SETBP1: variants seen among roughly 807,000 people sequenced by gnomAD.
The protein encoded by SETBP1 is SET-binding protein.
In SETBP1, 9 loss-of-function variants were observed where a neutral mutation model predicts 101.0. The observed-to-expected ratio is 0.09, with a 90% confidence interval of 0.05 to 0.16. The LOEUF (loss-of-function observed/expected upper bound fraction) is 0.16, where lower values mean the gene tolerates loss of function less well. Ranked by LOEUF, SETBP1 falls within the 10% of genes least tolerant of loss-of-function variation. SETBP1 has a pLI of 1.00. For synonymous variants in SETBP1, 818 were observed against 788.5 expected (o/e 1.04, Z -0.63); for missense variants, 1,858 against 2,033.8 (o/e 0.91, Z 1.66).
At chr18:44,839,164 T>C (rs1478605877) in intron 2 of SETBP1, among the ~76,000 whole-genome samples, 1 of 152,136 alleles carries the variant, frequency 6.6e-6, no homozygotes, top group African/African-American at 2.4e-5. Flanking sequence ...GAAGCACTGC[T>C]TCTGGAGGGC....
chr18:44,703,058 C>T (rs2069145498), intron 2 of SETBP1, among the ~76,000 whole-genome samples: 1 of 152,162 alleles, frequency 6.6e-6, no homozygotes, highest in Non-Finnish European at 1.5e-5. Flanking sequence ...AGTGACCTCC[C>T]TTCCTGTGTG....
intron 3 of SETBP1, among the ~76,000 whole-genome samples, chr18:44,938,444 A>T (rs2071012100): frequency 6.6e-6 from 1 of 152,260 alleles, no homozygotes; most frequent in African/African-American, 2.4e-5. Context: ...ATGAAAATGA[A>T]GAGCACAATG....
At chr18:44,965,544 T>C (rs2071704029) in intron 4 of SETBP1, among the ~76,000 whole-genome samples, 1 of 152,188 alleles carries the variant, frequency 6.6e-6, no homozygotes. Context: ...TGTTTGTTTT[T>C]TCTTCCATTG....
intron 2 of SETBP1, among the ~76,000 whole-genome samples, chr18:44,849,406 T>C (rs1233206256): frequency 6.6e-6 from 1 of 152,126 alleles, no homozygotes; most frequent in African/African-American, 2.4e-5. Context: ...GTGATTAACC[T>C]TTTAGAACTC....
intron 2 of SETBP1, among the ~76,000 whole-genome samples, chr18:44,771,183 G>A (rs534076449): frequency 1.3e-5 from 2 of 151,574 alleles, no homozygotes; most frequent in African/African-American, 4.8e-5. Context: ...AACTTCTGAG[G>A]GTGAAACTTC....
chr18:44,773,836 T>TTGTGTGTGTG (rs1280926160), intron 2 of SETBP1, among the ~76,000 whole-genome samples: 2 of 36,338 alleles, frequency 5.5e-5, no homozygotes, highest in East Asian at 6.0e-4. Context: ...CTCTCTCTGT[T>TTGTGTGTGTG]TATGTGTGTG....
chr18:44,853,510 T>C (rs2072913310), intron 2 of SETBP1, among the ~76,000 whole-genome samples: 1 of 152,168 alleles, frequency 6.6e-6, no homozygotes, highest in Non-Finnish European at 1.5e-5. Flanking sequence ...ATGAGGTAGC[T>C]AATGTTATCC....
At chr18:44,822,200 T>C (rs893194945) in intron 2 of SETBP1, among the ~76,000 whole-genome samples, 1 of 152,206 alleles carries the variant, frequency 6.6e-6, no homozygotes, top group African/African-American at 2.4e-5. Context: ...CTGTCTTCAT[T>C]TGTAGCTCTT....
intron 3 of SETBP1, among the ~76,000 whole-genome samples, chr18:44,932,967 T>G (rs1376148672): frequency 6.6e-6 from 1 of 152,244 alleles, no homozygotes; most frequent in African/African-American, 2.4e-5. Flanking sequence ...AAAGTCATTC[T>G]CTCTCCGGCT....
rs141676446 is a variant in SETBP1, at chr18:44,749,990, A to G, written c.486+48158A>G. Among the ~76,000 whole-genome samples, 384 of 152,332 alleles carry G rather than the reference A, an allele frequency of 2.5e-3. 3 individuals are homozygous for G. Among genetic ancestry groups the G allele is most frequent in the African/African-American group, 8.9e-3 (370 of 41,566 alleles). The stretch of plus-strand genomic sequence containing the variant: ...GGGATAGAAAGTGAAGGACTCATAA[A>G]TGATGCAAGATTGAGTTAAGGCTTG... On this transcript the variant is annotated intron_variant, in intron 2 of 5. Coordinates refer to ENST00000649279, the MANE Select transcript of SETBP1 (RefSeq NM_015559.3).
intron 5 of SETBP1, among the ~76,000 whole-genome samples, chr18:45,045,253 C>G (rs925641442): frequency 2.0e-5 from 3 of 152,218 alleles, no homozygotes; most frequent in Non-Finnish European, 2.9e-5. Context: ...GAAACCCGCT[C>G]TCTACTAAAA....
At chr18:44,953,446 T>G in intron 4 of SETBP1, 106 bp downstream of exon 4, 1 of 1,018,948 alleles carries the variant, frequency 9.8e-7, no homozygotes, top group Non-Finnish European at 1.5e-6. Flanking sequence ...TGCAAAGAGG[T>G]GGGAATCAAA....
chr18:44,783,599 C>CA lies in SETBP1; in HGVS notation c.486+81768dup, dbSNP rs2071179497. Among the ~76,000 whole-genome samples, 4 of 152,284 alleles carry CA rather than the reference C, an allele frequency of 2.6e-5. No homozygotes were observed. The South Asian group carries it at 8.3e-4, about 32-fold the overall frequency. ...GTCAATGACCTAAACAGAGCCTATG[C>CA]ACAAAAACAAATGACAAGGGTAATG... On this transcript the variant is annotated intron_variant, in intron 2 of 5. Coordinates refer to ENST00000649279, the MANE Select transcript of SETBP1 (RefSeq NM_015559.3).
intron 2 of SETBP1, among the ~76,000 whole-genome samples, chr18:44,814,427 T>G (rs1473700377): frequency 2.0e-5 from 3 of 152,166 alleles, no homozygotes; most frequent in Admixed American, 6.6e-5. Flanking sequence ...AAAATTGAAT[T>G]AATTACAATA....
intron 2 of SETBP1, among the ~76,000 whole-genome samples, chr18:44,729,151 A>G (rs1262600352): frequency 2.0e-5 from 3 of 152,226 alleles, no homozygotes; most frequent in Non-Finnish European, 2.9e-5. Flanking sequence ...ATCTGGCTCT[A>G]CAGTTCACTT....
At chr18:44,995,342 A>C (rs933130014) in intron 4 of SETBP1, among the ~76,000 whole-genome samples, 11 of 151,754 alleles carry the variant, frequency 7.2e-5, no homozygotes, top group East Asian at 3.9e-4. Flanking sequence ...AGGGTTTCAC[A>C]GTGTTAGCCA....
At chr18:44,776,966 G>C (rs2071016549) in intron 2 of SETBP1, among the ~76,000 whole-genome samples, 1 of 152,214 alleles carries the variant, frequency 6.6e-6, no homozygotes, top group Non-Finnish European at 1.5e-5. Context: ...AGGAGGTGGA[G>C]AGGATTAACT....
chr18:44,730,683 C>A (rs1369543652), intron 2 of SETBP1, among the ~76,000 whole-genome samples: 1 of 152,108 alleles, frequency 6.6e-6, no homozygotes, highest in Non-Finnish European at 1.5e-5. Context: ...TTCATCATTC[C>A]CCACTGGTCT....
chr18:44,760,429 G>A (rs2070612539), intron 2 of SETBP1, among the ~76,000 whole-genome samples: 1 of 152,206 alleles, frequency 6.6e-6, no homozygotes, highest in Non-Finnish European at 1.5e-5. Context: ...TCTCAATGCA[G>A]CAGTGGCCAG....
Sources: gnomAD v4.1 joint callset for allele counts (sites outside exome capture counted in the v4.1 genomes callset) on GRCh38, gnomAD v4.1.1 for gene constraint, MANE v1.5 for transcripts, NCBI Gene and HGNC (gene_info 2026-07-23, HGNC 2026-07-21) for gene names.